Variants in SETD4 observed in about 807,000 individuals in gnomAD.
SETD4 encodes SET domain-containing protein 4.
SETD4 carries 46 observed loss-of-function variants against 58.3 expected under a neutral mutation model. The observed-to-expected ratio is 0.79, with a 90% CI of 0.62 to 1.01. SETD4 has a LOEUF of 1.01. SETD4 is among the 50% of genes least tolerant of loss of function. The pLI, the probability that SETD4 is intolerant of heterozygous loss-of-function variation, is 0.00. For synonymous variants in SETD4, 190 were observed against 202.6 expected, an observed-to-expected ratio of 0.94 and a Z score of 0.53; for missense variants, 490 against 523.3, an observed-to-expected ratio of 0.94 and a Z score of 0.62.
intron 2 of SETD4, 144 bp from the exon 3 acceptor site, chr21:36,057,348 A>G (rs1015294848): frequency 5.5e-5 from 42 of 757,930 alleles, no homozygotes; most frequent in Admixed American, 5.4e-4. Flanking sequence ...AAAAGTTACA[A>G]TAAAAACACA....
At chr21:36,042,122 A>C in intron 7 of SETD4, 1 of 305,436 alleles carries the variant, frequency 3.3e-6, no homozygotes, top group Non-Finnish European at 6.0e-6. Context: ...GCATAACCTC[A>C]GCTCCTGCTC....
chr21:36,044,372 T>G (rs2064205601), intron 6 of SETD4, among the ~76,000 whole-genome samples: 1 of 152,232 alleles, frequency 6.6e-6, no homozygotes, highest in African/African-American at 2.4e-5. Context: ...CCTTTCAAAG[T>G]GTAAAAACCA....
intron 4 of SETD4, among the ~76,000 whole-genome samples, chr21:36,049,280 C>T (rs570665593): frequency 6.6e-6 from 1 of 152,196 alleles, no homozygotes; most frequent in Non-Finnish European, 1.5e-5. Flanking sequence ...CAAGGCCAGG[C>T]GCGGTGGCTC....
chr21:36,057,469 A>T, intron 2 of SETD4: 1 of 613,994 alleles, frequency 1.6e-6, no homozygotes, highest in Non-Finnish European at 3.0e-6. Context: ...ACACAGAAAG[A>T]CCCCATCTCT....
Position 36,035,140 on chromosome 21 carries a change from C to G in SETD4, c.*853G>C, listed in dbSNP as rs2063738498. 1 of 152,328 alleles carries G rather than the reference C, an allele frequency of 6.6e-6. No individual in the cohort carries two copies. The highest frequency in any genetic ancestry group is 2.4e-5 in the African/African-American group (1 of 41,468). 9.4% of individuals were successfully genotyped at this position (152,328 alleles called of 1,614,324 possible). The stretch of plus-strand genomic sequence containing the variant: ...CCAGCACGGGCCTGAACAGGACCAG[C>G]AGCCCCTCCGTTACTTACGCAGGCA... On this transcript the variant is annotated 3_prime_UTR_variant, in exon 12 of 12. Coordinates refer to ENST00000332131, the MANE Select transcript of SETD4 (RefSeq NM_017438.5).
At chr21:36,047,670 T>C (rs1368295885) in intron 5 of SETD4, among the ~76,000 whole-genome samples, 4 of 151,740 alleles carry the variant, frequency 2.6e-5, no homozygotes, top group African/African-American at 9.7e-5. Context: ...TTAAAAACCT[T>C]AGAAATGCCA....
At position 36,039,533 on chromosome 21, in the gene SETD4, A is replaced by C. The variant is rs144784392; in HGVS notation, c.1064+1042T>G. On this transcript the variant is annotated intron_variant, in intron 9 of 11. Coordinates refer to ENST00000332131, the MANE Select transcript of SETD4 (RefSeq NM_017438.5). ...ACAAAATAAAAGGTAAGATGAATGAAGGCAGAAAACAAGACAAAGGAAGAC... is the reference window on the plus strand; with the variant it reads ...ACAAAATAAAAGGTAAGATGAATGACGGCAGAAAACAAGACAAAGGAAGAC... Among the ~76,000 whole-genome samples, 93 of 152,354 alleles carry C rather than the reference A, an allele frequency of 6.1e-4. 1 individual carries two copies. The highest frequency in any genetic ancestry group is 2.7e-3 in the East Asian group (14 of 5,188).
At chr21:36,042,205 C>A (rs569605872) in intron 7 of SETD4, 7 of 176,908 alleles carry the variant, frequency 4.0e-5, no homozygotes, top group Admixed American at 1.3e-4. Flanking sequence ...TTACAGTCAA[C>A]AAAAGTAGAG....
chr21:36,046,100 G>A, intron 5 of SETD4, 89 bp from the exon 6 acceptor site: 1 of 1,381,860 alleles, frequency 7.2e-7, no homozygotes, highest in South Asian at 1.4e-5. Context: ...CAGAAGGAGT[G>A]TGTTCAAACT....
intron 4 of SETD4, among the ~76,000 whole-genome samples, chr21:36,049,219 A>G (rs2064518767): frequency 1.3e-5 from 2 of 152,232 alleles, no homozygotes; most frequent in South Asian, 4.1e-4. Context: ...AGCCAGATGT[A>G]AGACTCTCCT....
At chr21:36,048,433 C>G (rs1305321841) in intron 4 of SETD4, 37 bp from the exon 5 acceptor site, 1 of 1,584,502 alleles carries the variant, frequency 6.3e-7, no homozygotes, top group South Asian at 1.1e-5. Context: ...GACGCCTATG[C>G]TTTGGGAAGG....
intron 5 of SETD4, among the ~76,000 whole-genome samples, 180 bp from the exon 6 acceptor site, chr21:36,046,191 G>A (rs925432333): frequency 6.6e-6 from 1 of 152,320 alleles, no homozygotes; most frequent in Middle Eastern, 3.4e-3. Context: ...GGGGAGCACA[G>A]CCCCAGTGCT....
chr21:36,053,864 G>A (rs957654668), intron 3 of SETD4, among the ~76,000 whole-genome samples: 10 of 152,126 alleles, frequency 6.6e-5, no homozygotes, highest in African/African-American at 7.2e-5. Flanking sequence ...AAAGAGCACC[G>A]TGGACTTTAT....
chr21:36,037,217 A>AT lies in SETD4; in HGVS notation c.1188+932dup, dbSNP rs544863431. 8.8e-4 allele frequency among the ~76,000 whole-genome samples: 134 copies of AT among 152,370 alleles called. 1 individual carries two copies. The East Asian group carries it at 0.02, about 22-fold the overall frequency. On this transcript the variant is annotated intron_variant, in intron 10 of 11. Coordinates refer to ENST00000332131, the MANE Select transcript of SETD4 (RefSeq NM_017438.5). Reference sequence around the variant, plus strand: ...AAAATAAGTATATGTGATCATGCATATGTTAAATAGCTTGATTTAGCCATC... The same window carrying AT: ...AAAATAAGTATATGTGATCATGCATATTGTTAAATAGCTTGATTTAGCCATC...
At chr21:36,051,070 T>C in intron 4 of SETD4, 1 of 1,438,150 alleles carries the variant, frequency 7.0e-7, no homozygotes, top group Non-Finnish European at 9.8e-7. Context: ...GTAGGTTTCA[T>C]CGTCTTTCAT....
At chr21:36,038,989 T>C (rs1400026574) in intron 9 of SETD4, among the ~76,000 whole-genome samples, 1 of 147,630 alleles carries the variant, frequency 6.8e-6, no homozygotes, top group East Asian at 2.0e-4. Context: ...AATCTGGAAG[T>C]GGAAGTGGCT....
chr21:36,057,378 A>G (rs1388006363), intron 2 of SETD4, 174 bp from the exon 3 acceptor site: 1 of 725,852 alleles, frequency 1.4e-6, no homozygotes, highest in African/African-American at 1.7e-5. Context: ...AGGCGCAATG[A>G]CTCACTTCTG....
At chr21:36,059,644 C>T (rs143348030) in intron 1 of SETD4, 4 of 733,710 alleles carry the variant, frequency 5.5e-6, no homozygotes, top group African/African-American at 1.9e-5. Context: ...GACGAGATCA[C>T]GCCACTGCAC....
At chr21:36,038,579 T>G (rs1219777580) in intron 9 of SETD4, among the ~76,000 whole-genome samples, 3 of 152,156 alleles carry the variant, frequency 2.0e-5, no homozygotes, top group Admixed American at 2.0e-4. Flanking sequence ...GAAGTCCCGT[T>G]CCCGGCCATG....
Sources: gnomAD v4.1 joint callset for allele counts (sites outside exome capture counted in the v4.1 genomes callset) on GRCh38, gnomAD v4.1.1 for gene constraint, MANE v1.5 for transcripts, NCBI Gene and HGNC (gene_info 2026-07-23, HGNC 2026-07-21) for gene names.